The following MVB12B variants were observed in gnomAD, a reference collection of about 807,000 sequenced individuals.
The protein encoded by MVB12B is multivesicular body subunit 12B.
In MVB12B, 16 loss-of-function variants were observed where a neutral mutation model predicts 41.6. The observed-to-expected ratio is 0.38, with a 90% confidence interval of 0.26 to 0.58. The LOEUF is 0.58. Ranked by LOEUF, MVB12B falls within the 20% of genes least tolerant of loss-of-function variation. The pLI, the probability that MVB12B is intolerant of heterozygous loss-of-function variation, is 0.62. For synonymous variants in MVB12B, 133 were observed against 139.7 expected (o/e 0.95, Z 0.34); for missense variants, 274 against 380.2 (o/e 0.72, Z 2.32).
chr9:126,440,065 CA>C (rs1162512533), intron 7 of MVB12B, among the ~76,000 whole-genome samples: 2 of 152,208 alleles, frequency 1.3e-5, no homozygotes, highest in East Asian at 3.9e-4. Context: ...CTGAACACAA[CA>C]ACTTGGAATT....
At chr9:126,390,184 A>G (rs1372198279) in intron 4 of MVB12B, among the ~76,000 whole-genome samples, 2 of 152,260 alleles carry the variant, frequency 1.3e-5, no homozygotes, top group African/African-American at 4.8e-5. Flanking sequence ...CTAGAGGCTT[A>G]CTTGTCAATA....
chr9:126,481,204 G>A (rs1370107363), intron 7 of MVB12B, 165 bp from the exon 8 acceptor site: 5 of 671,424 alleles, frequency 7.4e-6, no homozygotes, highest in Non-Finnish European at 1.1e-5. Flanking sequence ...TGGCAGCAGG[G>A]GTGGGACCTG....
chr9:126,380,236 G>A (rs570747769), intron 2 of MVB12B, among the ~76,000 whole-genome samples: 3 of 152,196 alleles, frequency 2.0e-5, no homozygotes, highest in South Asian at 2.1e-4. Context: ...AGAAAGCACC[G>A]CCCTCTCCTA....
chr9:126,396,891 G>A (rs1831130690), intron 6 of MVB12B: 1 of 985,376 alleles, frequency 1.0e-6, no homozygotes, highest in Admixed American at 6.1e-5. Context: ...GGGTTCAAGA[G>A]TGTGAGGTTC....
intron 2 of MVB12B, among the ~76,000 whole-genome samples, chr9:126,375,741 C>T (rs1387092824): frequency 1.3e-5 from 2 of 152,162 alleles, no homozygotes; most frequent in Non-Finnish European, 2.9e-5. Context: ...TTTATTCTAC[C>T]CTCACACTTA....
intron 2 of MVB12B, among the ~76,000 whole-genome samples, chr9:126,370,331 C>T (rs937018849): frequency 6.6e-6 from 1 of 150,734 alleles, no homozygotes; most frequent in Non-Finnish European, 1.5e-5. Context: ...TCTAGCACTG[C>T]CATTTTGCTT....
At chr9:126,329,060 G>T (rs569055087) in intron 1 of MVB12B, among the ~76,000 whole-genome samples, 1 of 152,290 alleles carries the variant, frequency 6.6e-6, no homozygotes, top group East Asian at 1.9e-4. Context: ...TGGGATTACA[G>T]GCATGAGCCA....
chr9:126,461,318 C>T (rs997319473), intron 7 of MVB12B, among the ~76,000 whole-genome samples: 11 of 152,034 alleles, frequency 7.2e-5, no homozygotes, highest in African/African-American at 2.7e-4. Context: ...GAGGAGCTTG[C>T]GTAGATTCCC....
At chr9:126,502,015 G>A (rs533084507) in intron 9 of MVB12B, among the ~76,000 whole-genome samples, 40 of 152,308 alleles carry the variant, frequency 2.6e-4, no homozygotes, top group African/African-American at 9.4e-4. Flanking sequence ...AGGAGCTGCA[G>A]CTCATGGTCA....
chr9:126,496,667 G>C (rs1240508080), intron 9 of MVB12B, among the ~76,000 whole-genome samples: 6 of 152,008 alleles, frequency 3.9e-5, no homozygotes, highest in Non-Finnish European at 8.8e-5. Flanking sequence ...TTTGCCACTT[G>C]AGGGAGGAGG....
chr9:126,356,890 C>G (rs1038655119), intron 2 of MVB12B, among the ~76,000 whole-genome samples: 8 of 151,882 alleles, frequency 5.3e-5, no homozygotes, highest in Non-Finnish European at 2.9e-5. Flanking sequence ...CTCCCTAAGG[C>G]CCCCCAGAAG....
At chr9:126,347,230 C>T (rs1381265910) in intron 2 of MVB12B, among the ~76,000 whole-genome samples, 2 of 152,220 alleles carry the variant, frequency 1.3e-5, no homozygotes, top group Non-Finnish European at 2.9e-5. Context: ...GGCACCGGGT[C>T]ATGTTTCTTT....
rs1020531726 is a variant in MVB12B at position 126,503,332 on chromosome 9, G to A, written c.*69G>A. On this transcript the variant is annotated 3_prime_UTR_variant, in exon 10 of 10. Coordinates refer to ENST00000361171, the MANE Select transcript of MVB12B (RefSeq NM_033446.3). ...ACTGACGGCAGGGGCTGCTGCCCCC[G>A]CCTCCTCCTGCCGCCTCCGCCAGCC... 1.1e-4 allele frequency: 136 copies of A among 1,272,656 alleles called. No individual in the cohort carries two copies. The highest frequency in any genetic ancestry group is 3.0e-4 in the African/African-American group (20 of 67,490). The allele number at this position is 1,272,656 out of a possible 1,614,324, so 78.8% of individuals were successfully genotyped here.
chr9:126,362,318 T>C lies in MVB12B; in HGVS notation c.205-18746T>C, dbSNP rs975397647. 3.9e-5 allele frequency among the ~76,000 whole-genome samples: 6 copies of C among 152,126 alleles called. No individual in the cohort carries two copies. The East Asian group carries it at 1.2e-3, about 29-fold the overall frequency. The stretch of plus-strand genomic sequence containing the variant: ...AAATAACAAAGATATAATCAGAAAT[T>C]AAAAGTAAGAGAAAAGGAGGGAGAG... On this transcript the variant is annotated intron_variant, in intron 2 of 9. Coordinates refer to ENST00000361171, the MANE Select transcript of MVB12B (RefSeq NM_033446.3).
At chr9:126,358,078 T>C (rs1303159857) in intron 2 of MVB12B, among the ~76,000 whole-genome samples, 2 of 152,196 alleles carry the variant, frequency 1.3e-5, no homozygotes, top group African/African-American at 4.8e-5. Flanking sequence ...AAAAATCATC[T>C]GTTCTTCATT....
At position 126,468,638 on chromosome 9, in the gene MVB12B, C is replaced by T. The variant is rs146602341; in HGVS notation, c.758-12731C>T. 7.1e-3 allele frequency among the ~76,000 whole-genome samples: 1,088 copies of T among 152,328 alleles called. 39 individuals are homozygous for T. Among genetic ancestry groups the T allele is most frequent in the Non-Finnish European group, 1.6e-3 (106 of 68,038 alleles). ...CTGCCCTCATCCGGGCCACCAGCGT[C>T]CCTCGCCTGGTTCAGTGTCAGAACT... On this transcript the variant is annotated intron_variant, in intron 7 of 9. Transcript: ENST00000361171. The surrounding 1 kb of genome is among the most constrained non-coding windows in gnomAD (Gnocchi z 4.3).
chr9:126,440,956 A>G (rs1832621882), intron 7 of MVB12B, among the ~76,000 whole-genome samples: 1 of 152,202 alleles, frequency 6.6e-6, no homozygotes, highest in Admixed American at 6.5e-5. Context: ...TTAATGACAA[A>G]TGGTGGTGCG....
At chr9:126,470,529 TG>T (rs913381214) in intron 7 of MVB12B, among the ~76,000 whole-genome samples, 6 of 151,406 alleles carry the variant, frequency 4.0e-5, no homozygotes, top group African/African-American at 9.7e-5. Flanking sequence ...AAGGAGGAGG[TG>T]GGGGGGCTGG....
At chr9:126,385,226 G>C (rs1431688946) in intron 3 of MVB12B, among the ~76,000 whole-genome samples, 1 of 152,178 alleles carries the variant, frequency 6.6e-6, no homozygotes, top group African/African-American at 2.4e-5. Flanking sequence ...AGCACCTGCT[G>C]TGTGGCAAAA....
Sources: allele counts gnomAD v4.1 joint callset (sites outside exome capture counted in the v4.1 genomes callset), GRCh38; gene constraint gnomAD v4.1.1; non-coding constraint Gnocchi (gnomAD v3.1); transcripts MANE v1.5; gene names NCBI Gene and HGNC (gene_info 2026-07-23, HGNC 2026-07-21).